Variants in GYS2 observed in about 807,000 individuals in gnomAD.
GYS2 encodes the protein glycogen synthase 2, also known as glycogen [starch] synthase, liver.
Under a neutral mutation model 85.6 loss-of-function variants are expected in GYS2, and 80 were observed. The ratio of observed to expected loss-of-function variants is 0.93; its 90% confidence interval spans 0.78 to 1.13. GYS2 has a LOEUF of 1.13. Among genes scored for constraint, GYS2 ranks in the 50% most tolerant of loss-of-function variants. The pLI, the probability that GYS2 is intolerant of heterozygous loss-of-function variation, is 0.00. For missense variants in GYS2, 881 were observed against 854.9 expected (o/e 1.03, Z -0.38); for synonymous variants, 328 against 300.7 (o/e 1.09, Z -0.94).
chr12:21,598,500 AC>A (rs1944720323), intron 1 of GYS2, among the ~76,000 whole-genome samples: 1 of 151,494 alleles, frequency 6.6e-6, no homozygotes, highest in South Asian at 2.1e-4. Flanking sequence ...CCATATTTTT[AC>A]CTCGGTTTTT....
rs1172385108 is a variant in GYS2, at chr12:21,536,997, A to G, written c.2069T>C (p.Val690Ala). 6 of 1,614,002 alleles carry G rather than the reference A, an allele frequency of 3.7e-6. No individual in the cohort carries two copies. The highest frequency in any genetic ancestry group is 3.3e-5 in the Admixed American group (2 of 60,012). ...ATGCAGCTTTTTCTTCCCATGAGGA[A>G]CGTGGCTCAGTGAAAATGGTGACTT... The part of the protein sequence containing the change: ...NIKSPFSLSH[V>A]PHGKKKLHGE... Residue 690 changes from valine (V) to alanine (A), a missense_variant, in exon 16 of 16, where the codon GTT becomes GCT. By Grantham distance (64) the Val-to-Ala change is moderately conservative. Transcript: ENST00000261195.
chr12:21,566,732 C>T (rs1287734432), intron 5 of GYS2, among the ~76,000 whole-genome samples: 1 of 152,120 alleles, frequency 6.6e-6, no homozygotes, highest in Non-Finnish European at 1.5e-5. Flanking sequence ...CCACATTATG[C>T]AGATAAGACA....
rs1333087952 is a variant in GYS2 at position 21,562,805 on chromosome 12, C to T, written c.1062+113G>A. On this transcript the variant is annotated intron_variant, in intron 7 of 15. Coordinates refer to ENST00000261195, the MANE Select transcript of GYS2 (RefSeq NM_021957.4). ...AAAGGCTGAAGCCATTTTTAGAATA[C>T]GATTATCGTTTATTCTCTTGAAAAC... 2.2e-5 allele frequency: 25 copies of T among 1,135,480 alleles called. No homozygotes were observed. In the East Asian group the frequency reaches 3.6e-4, roughly 16 times the overall value. 70.3% of individuals were successfully genotyped at this position (1,135,480 alleles called of 1,614,324 possible). A position where few individuals can be genotyped will look rare whatever the true frequency, so the allele number is the denominator to read the frequency against.
At chr12:21,544,457 C>T (rs1407015196) in intron 12 of GYS2, among the ~76,000 whole-genome samples, 3 of 152,180 alleles carry the variant, frequency 2.0e-5, no homozygotes, top group African/African-American at 4.8e-5. Context: ...ATAACATTTT[C>T]TTGACCCGAC....
chr12:21,561,150 G>A (rs946159605), intron 7 of GYS2, among the ~76,000 whole-genome samples: 5 of 152,138 alleles, frequency 3.3e-5, no homozygotes, highest in Non-Finnish European at 5.9e-5. Flanking sequence ...ATGTACAATA[G>A]GCATTTCTCT....
intron 1 of GYS2, among the ~76,000 whole-genome samples, chr12:21,589,671 T>C (rs1158482133): frequency 6.6e-6 from 1 of 152,156 alleles, no homozygotes; most frequent in African/African-American, 2.4e-5. Context: ...GTTAAGTGAC[T>C]GACTCCCAGT....
chr12:21,555,408 C>T (rs1944167082), intron 11 of GYS2, among the ~76,000 whole-genome samples: 1 of 151,938 alleles, frequency 6.6e-6, no homozygotes, highest in South Asian at 2.1e-4. Flanking sequence ...AGGAGGTGTG[C>T]TAGGTGTAGA....
chr12:21,601,845 C>T (rs1944759274), intron 1 of GYS2, among the ~76,000 whole-genome samples: 1 of 152,046 alleles, frequency 6.6e-6, no homozygotes, highest in Non-Finnish European at 1.5e-5. Context: ...TGAATCCTTA[C>T]TGAATAATAA....
Position 21,546,351 on chromosome 12 carries a change from A to G in GYS2, c.1542T>C (p.Tyr514=), listed in dbSNP as rs2136849748. ...TCTATACATGACACATACCTGGAGT[A>G]TAACCCCAGGGTTCATAGTATGATG... is the stretch of plus-strand genomic sequence containing the variant. The part of the protein sequence containing the change: ...VFPSYYEPWG[Y]TPAECTVMGI... The change falls in exon 12 of 16, where the codon TAT becomes TAC. Residue 514 remains tyrosine, a synonymous_variant. Coordinates refer to ENST00000261195, the MANE Select transcript of GYS2 (RefSeq NM_021957.4). 1.2e-6 allele frequency: 2 copies of G among 1,602,302 alleles called. No individual in the cohort carries two copies. The highest frequency in any genetic ancestry group is 1.7e-6 in the Non-Finnish European group (2 of 1,169,780).
At chr12:21,569,452 G>C (rs1327624274) in intron 4 of GYS2, among the ~76,000 whole-genome samples, 1 of 152,182 alleles carries the variant, frequency 6.6e-6, no homozygotes, top group Non-Finnish European at 1.5e-5. Context: ...TTAATTCACT[G>C]AAAGGGAACC....
At chr12:21,569,484 C>CT (rs1944361033) in intron 4 of GYS2, among the ~76,000 whole-genome samples, 1 of 152,156 alleles carries the variant, frequency 6.6e-6, no homozygotes. Context: ...AAGACAAACG[C>CT]TTTTCCTTGG....
At chr12:21,597,900 G>T (rs1944714082) in intron 1 of GYS2, among the ~76,000 whole-genome samples, 1 of 152,080 alleles carries the variant, frequency 6.6e-6, no homozygotes, top group South Asian at 2.1e-4. Flanking sequence ...CAGCAACATG[G>T]ATGAAACTGG....
intron 11 of GYS2, among the ~76,000 whole-genome samples, chr12:21,557,091 G>C (rs1033725655): frequency 6.6e-6 from 1 of 152,082 alleles, no homozygotes; most frequent in Non-Finnish European, 1.5e-5. Flanking sequence ...GGGCCAGCAT[G>C]GGGGGGACAC....
At chr12:21,556,587 T>C (rs1465298818) in intron 11 of GYS2, among the ~76,000 whole-genome samples, 1 of 152,248 alleles carries the variant, frequency 6.6e-6, no homozygotes, top group Non-Finnish European at 1.5e-5. Flanking sequence ...GTTTTCTCAG[T>C]GCCCATTAAA....
intron 4 of GYS2, among the ~76,000 whole-genome samples, chr12:21,573,352 T>C (rs899490363): frequency 6.6e-6 from 1 of 152,154 alleles, no homozygotes; most frequent in Non-Finnish European, 1.5e-5. Flanking sequence ...CCTAGAGTAC[T>C]AAATAGATTT....
chr12:21,549,402 G>A (rs1944079959), intron 11 of GYS2, among the ~76,000 whole-genome samples: 1 of 152,118 alleles, frequency 6.6e-6, no homozygotes, highest in Non-Finnish European at 1.5e-5. Flanking sequence ...ACAAACAAGA[G>A]CATTCTTACA....
chr12:21,547,651 TTTTTAGGG>T (rs1474796791), intron 11 of GYS2, among the ~76,000 whole-genome samples: 3 of 152,136 alleles, frequency 2.0e-5, no homozygotes, highest in Non-Finnish European at 4.4e-5. Flanking sequence ...GTATAGACAA[TTTTTAGGG>T]CAGTGAAACT....
intron 2 of GYS2, among the ~76,000 whole-genome samples, chr12:21,578,381 C>A (rs928410391): frequency 2.0e-5 from 3 of 152,248 alleles, no homozygotes; most frequent in Admixed American, 2.0e-4. Context: ...CACCTTGACC[C>A]ATTGCATGAA....
chr12:21,582,671 C>A (rs1485660184), intron 1 of GYS2, among the ~76,000 whole-genome samples: 1 of 151,702 alleles, frequency 6.6e-6, no homozygotes, highest in East Asian at 1.9e-4. Context: ...CTCTGTAGAA[C>A]CCTAATACAG....
Sources: gnomAD v4.1 joint callset for allele counts (sites outside exome capture counted in the v4.1 genomes callset) on GRCh38, gnomAD v4.1.1 for gene constraint, MANE v1.5 for transcripts, NCBI Gene and HGNC (gene_info 2026-07-23, HGNC 2026-07-21) for gene names.